The following UBE2F variants were observed in gnomAD, a reference collection of about 807,000 sequenced individuals.
UBE2F encodes ubiquitin conjugating enzyme E2 F (putative), also known as NEDD8-conjugating enzyme UBE2F.
In UBE2F, 5 loss-of-function variants were observed where a neutral mutation model predicts 29.6. The observed-to-expected ratio is 0.17, with a 90% confidence interval of 0.09 to 0.36. The LOEUF (loss-of-function observed/expected upper bound fraction) is 0.36, where lower values mean the gene tolerates loss of function less well. Among genes scored for constraint, UBE2F ranks in the 10% least tolerant of loss-of-function variants. The pLI, the probability that UBE2F is intolerant of heterozygous loss-of-function variation, is 1.00. For synonymous variants in UBE2F, 66 were observed against 81.8 expected, an observed-to-expected ratio of 0.81 and a Z score of 1.04; for missense variants, 141 against 228.5, an observed-to-expected ratio of 0.62 and a Z score of 2.47.
intron 6 of UBE2F, among the ~76,000 whole-genome samples, chr2:238,027,750 G>A (rs2064466393): frequency 6.6e-6 from 1 of 152,232 alleles, no homozygotes; most frequent in African/African-American, 2.4e-5. Context: ...GGAAGGAAAA[G>A]CCCAACCGCA....
chr2:237,999,467 A>G (rs2063750193), intron 4 of UBE2F, among the ~76,000 whole-genome samples: 1 of 152,198 alleles, frequency 6.6e-6, no homozygotes, highest in Non-Finnish European at 1.5e-5. Context: ...AAACTTATAA[A>G]TATATGCTCC....
At chr2:238,022,071 CA>C (rs1260549311) in intron 5 of UBE2F, among the ~76,000 whole-genome samples, 1 of 152,224 alleles carries the variant, frequency 6.6e-6, no homozygotes, top group Non-Finnish European at 1.5e-5. Context: ...AAGCAATTAC[CA>C]AGGTAGAATA....
intron 4 of UBE2F, among the ~76,000 whole-genome samples, chr2:238,005,762 G>A (rs899238916): frequency 6.6e-5 from 10 of 152,038 alleles, no homozygotes; most frequent in South Asian, 2.1e-4. Context: ...TGTTCTGCAC[G>A]TCTACACTTG....
rs574177526 is a variant in UBE2F at position 237,967,217 on chromosome 2, G to C, written c.-17+85G>C. ...GGCCTGCGGGCCGGGCGGAGGGCGC[G>C]GGCGGTGGCGGGGCCGCCTCGGGCC... On this transcript the variant is annotated intron_variant, in intron 1 of 9. Transcript: ENST00000272930. This position sits in a 1 kb window ranked among gnomAD's most constrained non-coding sequence, Gnocchi z 6.3. 9.9e-5 allele frequency: 92 copies of C among 927,766 alleles called. 1 individual carries two copies. The South Asian group carries it at 4.0e-3, about 41-fold the overall frequency. The allele number at this position is 927,766 out of a possible 1,614,324, so 57.5% of individuals were successfully genotyped here.
chr2:237,967,192 G>T lies in UBE2F; in HGVS notation c.-17+60G>T. 4.7e-6 allele frequency: 5 copies of T among 1,067,024 alleles called. No individual in the cohort carries two copies. In the South Asian group the frequency reaches 2.2e-4, roughly 47 times the overall value. 66.1% of individuals were successfully genotyped at this position (1,067,024 alleles called of 1,614,324 possible). A position where few individuals can be genotyped will look rare whatever the true frequency, so the allele number is the denominator to read the frequency against. On this transcript the variant is annotated intron_variant, in intron 1 of 9. Coordinates refer to ENST00000272930, the MANE Select transcript of UBE2F (RefSeq NM_080678.3). This position sits in a 1 kb window ranked among gnomAD's most constrained non-coding sequence, Gnocchi z 6.3. ...AGGTGCGGCCGCCGGTGCACGGGCTGGCCTGCGGGCCGGGCGGAGGGCGCG... is the reference window on the plus strand; with the variant it reads ...AGGTGCGGCCGCCGGTGCACGGGCTTGCCTGCGGGCCGGGCGGAGGGCGCG...
At chr2:238,024,376 C>G (rs898298264) in intron 5 of UBE2F, among the ~76,000 whole-genome samples, 1 of 152,116 alleles carries the variant, frequency 6.6e-6, no homozygotes, top group Non-Finnish European at 1.5e-5. Flanking sequence ...GGCAGGGACT[C>G]GCTCTGTCAC....
At chr2:238,009,996 C>T (rs1291426226) in intron 4 of UBE2F, among the ~76,000 whole-genome samples, 1 of 152,136 alleles carries the variant, frequency 6.6e-6, no homozygotes, top group Non-Finnish European at 1.5e-5. Context: ...ATAAGCTCTA[C>T]TTCACTGGCT....
chr2:237,988,102 G>A (rs2106343078), intron 3 of UBE2F, 110 bp downstream of exon 3: 1 of 631,972 alleles, frequency 1.6e-6, no homozygotes, highest in Non-Finnish European at 2.6e-6. Flanking sequence ...ATGTATGTTA[G>A]GAATGAATTT....
rs1189119133 is a variant in UBE2F, at chr2:238,040,658, C to T, written c.508-630C>T. On this transcript the variant is annotated intron_variant, in intron 9 of 9. Coordinates refer to ENST00000272930, the MANE Select transcript of UBE2F (RefSeq NM_080678.3). The surrounding 1 kb of genome is among the most constrained non-coding windows in gnomAD (Gnocchi z 4.4). ...GACAAACCTGACAGTGGCCCAGATC[C>T]GAGAAGATTGTTCCACCCATACTGG... is the stretch of plus-strand genomic sequence containing the variant. Among the ~76,000 whole-genome samples the T allele has an allele frequency of 6.6e-6, 1 of 152,134 alleles. No individual in the cohort carries two copies. The highest frequency in any genetic ancestry group is 2.4e-5 in the African/African-American group (1 of 41,428).
intron 4 of UBE2F, among the ~76,000 whole-genome samples, chr2:237,997,570 A>T (rs1226051389): frequency 6.6e-6 from 1 of 152,262 alleles, no homozygotes; most frequent in East Asian, 1.9e-4. Context: ...TTAACAATAT[A>T]TGAAATAAAA....
At chr2:237,996,796 A>T (rs1018155961) in intron 4 of UBE2F, among the ~76,000 whole-genome samples, 2 of 151,862 alleles carry the variant, frequency 1.3e-5, no homozygotes, top group African/African-American at 4.8e-5. Flanking sequence ...TTTAACTGAA[A>T]TTTTTTACTG....
intron 5 of UBE2F, among the ~76,000 whole-genome samples, chr2:238,020,262 A>G (rs564123418): frequency 6.6e-6 from 1 of 152,300 alleles, no homozygotes; most frequent in Non-Finnish European, 1.5e-5. Context: ...CAAAAACACA[A>G]ATTGTTCAGT....
intron 1 of UBE2F, chr2:237,968,876 T>C: frequency 1.0e-6 from 1 of 983,890 alleles, no homozygotes; most frequent in Non-Finnish European, 1.2e-6. Flanking sequence ...TTGAAGCATA[T>C]TGAAGAAGGA....
At position 238,042,152 on chromosome 2, in the gene UBE2F, G is replaced by A. The variant is rs925633496; in HGVS notation, c.*814G>A. 6.6e-6 allele frequency: 1 copy of A among 152,240 alleles called. No homozygotes were observed. Among genetic ancestry groups the A allele is most frequent in the African/African-American group, 2.4e-5 (1 of 41,458 alleles). 9.4% of individuals were successfully genotyped at this position (152,240 alleles called of 1,614,324 possible). On this transcript the variant is annotated 3_prime_UTR_variant, in exon 10 of 10. Coordinates refer to ENST00000272930, the MANE Select transcript of UBE2F (RefSeq NM_080678.3). Reference sequence around the variant, plus strand: ...TGGTGAGCACATTTTGGAGCCCTTTGAAGCTAGATTTGGATGATCAAAACA... The same window carrying A: ...TGGTGAGCACATTTTGGAGCCCTTTAAAGCTAGATTTGGATGATCAAAACA...
At position 237,997,662 on chromosome 2, in the gene UBE2F, A is replaced by AT. The variant is rs1170980261; in HGVS notation, c.214+2853_214+2854insT. 5.9e-5 allele frequency among the ~76,000 whole-genome samples: 9 copies of AT among 152,266 alleles called. No homozygotes were observed. The East Asian group carries it at 1.5e-3, about 26-fold the overall frequency. ...CACTAATATCTATGATCTGGGGGTT[A>AT]GAATGGTCAAGAGTGGAAGAATTGC... is the stretch of plus-strand genomic sequence containing the variant. On this transcript the variant is annotated intron_variant, in intron 4 of 9. Transcript: ENST00000272930.
At chr2:238,032,070 A>G (rs777765613) in intron 7 of UBE2F, 152 bp from the exon 8 acceptor site, 5 of 630,814 alleles carry the variant, frequency 7.9e-6, no homozygotes, top group African/African-American at 5.5e-5. Context: ...TTACACTTGA[A>G]GAGAAGTTAT....
chr2:238,021,495 G>A (rs1576630408), intron 5 of UBE2F, among the ~76,000 whole-genome samples: 2 of 152,188 alleles, frequency 1.3e-5, no homozygotes, highest in African/African-American at 2.4e-5. Context: ...CCAATGGGGC[G>A]ATGCTACACA....
intron 4 of UBE2F, among the ~76,000 whole-genome samples, chr2:238,006,393 C>T (rs991957600): frequency 3.3e-5 from 5 of 152,224 alleles, no homozygotes; most frequent in African/African-American, 1.2e-4. Context: ...GGAGGGGACA[C>T]ACGTCCAAAC....
At chr2:238,020,900 T>C (rs2064275914) in intron 5 of UBE2F, among the ~76,000 whole-genome samples, 1 of 152,198 alleles carries the variant, frequency 6.6e-6, no homozygotes, top group Admixed American at 6.5e-5. Context: ...AGACAGACGC[T>C]GACATGACAA....
Sources: allele counts gnomAD v4.1 joint callset (sites outside exome capture counted in the v4.1 genomes callset), GRCh38; gene constraint gnomAD v4.1.1; non-coding constraint Gnocchi (gnomAD v3.1); transcripts MANE v1.5; gene names NCBI Gene and HGNC (gene_info 2026-07-23, HGNC 2026-07-21).